FSTL4: variants seen among roughly 807,000 people sequenced by gnomAD.
FSTL4 encodes follistatin-related protein 4.
A neutral mutation model predicts 78.2 loss-of-function variants in FSTL4; 28 were observed. The observed-to-expected ratio is 0.36, with a 90% CI of 0.27 to 0.49. The LOEUF is 0.49. Ranked by LOEUF, FSTL4 falls within the 20% of genes least tolerant of loss-of-function variation. The pLI, the probability that FSTL4 is intolerant of heterozygous loss-of-function variation, is 0.98. For synonymous variants in FSTL4, 422 were observed against 440.5 expected, an observed-to-expected ratio of 0.96 and a Z score of 0.53; for missense variants, 922 against 1,084.9, an observed-to-expected ratio of 0.85 and a Z score of 2.11.
chr5:133,277,463 T>C (rs1367224927), intron 6 of FSTL4, among the ~76,000 whole-genome samples: 1 of 152,284 alleles, frequency 6.6e-6, no homozygotes, highest in Non-Finnish European at 1.5e-5. Context: ...TGCTCTTGTC[T>C]GCTTCATTGA....
intron 2 of FSTL4, among the ~76,000 whole-genome samples, chr5:133,571,419 T>C (rs1301435246): frequency 6.6e-6 from 1 of 152,208 alleles, no homozygotes; most frequent in African/African-American, 2.4e-5. Context: ...TGGGATCGAA[T>C]GGCTAAAATC....
intron 6 of FSTL4, among the ~76,000 whole-genome samples, chr5:133,291,106 A>G (rs1448579477): frequency 6.6e-6 from 1 of 152,244 alleles, no homozygotes; most frequent in Admixed American, 6.5e-5. Flanking sequence ...TCCGATTACA[A>G]AAGAAGTACA....
At chr5:133,448,282 A>G (rs1580714649) in intron 3 of FSTL4, among the ~76,000 whole-genome samples, 3 of 151,946 alleles carry the variant, frequency 2.0e-5, no homozygotes, top group Admixed American at 2.0e-4. Flanking sequence ...CTGCACCTCT[A>G]TTTTCCACAG....
chr5:133,681,290 C>T, the FSTL4 span, among the ~76,000 whole-genome samples: 1 of 152,222 alleles, frequency 6.6e-6, no homozygotes, highest in Non-Finnish European at 1.5e-5. Context: ...GAGGCCTGGG[C>T]CAGAAGCGGT....
chr5:133,490,699 TATTA>T (rs1758250216), intron 3 of FSTL4, among the ~76,000 whole-genome samples: 1 of 152,250 alleles, frequency 6.6e-6, no homozygotes, highest in South Asian at 2.1e-4. Context: ...GTGGGCTTTT[TATTA>T]ATTTATGATT....
At chr5:133,451,859 C>T (rs1164119999) in intron 3 of FSTL4, among the ~76,000 whole-genome samples, 1 of 152,188 alleles carries the variant, frequency 6.6e-6, no homozygotes, top group African/African-American at 2.4e-5. Context: ...TTTGCTGTAC[C>T]TCTCCACCAA....
the FSTL4 span, among the ~76,000 whole-genome samples, chr5:133,816,957 G>C: frequency 3.9e-5 from 6 of 152,122 alleles, no homozygotes; most frequent in African/African-American, 1.4e-4. Flanking sequence ...TGTACTCCAG[G>C]CAGCCCCCAT....
chr5:133,778,500 C>T, the FSTL4 span, among the ~76,000 whole-genome samples: 39 of 152,228 alleles, frequency 2.6e-4, no homozygotes, highest in Non-Finnish European at 5.1e-4. Flanking sequence ...TCCAACTCAA[C>T]CCAATTGCAG....
chr5:133,675,056 C>G, the FSTL4 span, among the ~76,000 whole-genome samples: 1 of 152,016 alleles, frequency 6.6e-6, no homozygotes, highest in Non-Finnish European at 1.5e-5. Flanking sequence ...GATTTGTTCT[C>G]TAAGAAAATA....
chr5:133,527,294 C>G (rs1759151209), intron 3 of FSTL4, among the ~76,000 whole-genome samples: 1 of 152,142 alleles, frequency 6.6e-6, no homozygotes, highest in African/African-American at 2.4e-5. Flanking sequence ...AAAAATTAGT[C>G]AAGGTTCCAA....
At chr5:133,840,193 T>C in the FSTL4 span, among the ~76,000 whole-genome samples, 1 of 152,262 alleles carries the variant, frequency 6.6e-6, no homozygotes, top group Non-Finnish European at 1.5e-5. Flanking sequence ...AGCTGTGTTG[T>C]TTAATAAAAC....
the FSTL4 span, among the ~76,000 whole-genome samples, chr5:133,734,002 A>G: frequency 6.6e-6 from 1 of 152,244 alleles, no homozygotes; most frequent in African/African-American, 2.4e-5. Flanking sequence ...GGGTTCCTCA[A>G]CAGAGAACTC....
intron 6 of FSTL4, among the ~76,000 whole-genome samples, chr5:133,259,181 G>C (rs980640388): frequency 2.7e-5 from 4 of 149,844 alleles, no homozygotes; most frequent in Non-Finnish European, 4.4e-5. Flanking sequence ...GTGTGTGTGT[G>C]GGGGGTGGGT....
upstream of FSTL4, among the ~76,000 whole-genome samples, chr5:133,613,967 A>C (rs1005649552): frequency 4.6e-5 from 7 of 152,206 alleles, no homozygotes; most frequent in African/African-American, 1.2e-4. Flanking sequence ...CAGATTCTCC[A>C]TGGCAGGACT....
At chr5:133,662,819 C>T in the FSTL4 span, among the ~76,000 whole-genome samples, 4 of 152,176 alleles carry the variant, frequency 2.6e-5, no homozygotes, top group Admixed American at 6.5e-5. Context: ...CTGTGAGTCA[C>T]TCTTCCATCC....
intron 6 of FSTL4, among the ~76,000 whole-genome samples, chr5:133,254,013 T>C (rs529902775): frequency 6.6e-6 from 1 of 152,210 alleles, no homozygotes; most frequent in Admixed American, 6.5e-5. Flanking sequence ...CCTGAAGTTT[T>C]AATGTAAAGA....
chr5:133,573,989 G>A (rs1333695313), intron 2 of FSTL4, among the ~76,000 whole-genome samples: 1 of 152,150 alleles, frequency 6.6e-6, no homozygotes, highest in Non-Finnish European at 1.5e-5. Flanking sequence ...ATACATAGGT[G>A]AAAATTTCTT....
chr5:133,314,381 G>C (rs2126889868), intron 5 of FSTL4, among the ~76,000 whole-genome samples: 1 of 152,356 alleles, frequency 6.6e-6, no homozygotes, highest in Middle Eastern at 3.4e-3. Context: ...TGCAGGCCTT[G>C]AATGGGCTTG....
At chr5:133,434,820 ATTG>A (rs751970194) in intron 3 of FSTL4, among the ~76,000 whole-genome samples, 45 of 140,320 alleles carry the variant, frequency 3.2e-4, no homozygotes, top group African/African-American at 1.1e-3. Context: ...CCAAAAATAT[ATTG>A]TTAACTGTTT....
Sources: gnomAD v4.1 joint callset for allele counts (sites outside exome capture counted in the v4.1 genomes callset) on GRCh38, gnomAD v4.1.1 for gene constraint, MANE v1.5 for transcripts, NCBI Gene and HGNC (gene_info 2026-07-23, HGNC 2026-07-21) for gene names.